The following SEMA3A variants were observed in gnomAD, a reference collection of about 807,000 sequenced individuals.
SEMA3A encodes semaphorin 3A.
Under a neutral mutation model 97.9 loss-of-function variants are expected in SEMA3A, and 29 were observed. The ratio of observed to expected loss-of-function variants is 0.30; its 90% CI spans 0.22 to 0.40. The LOEUF (loss-of-function observed/expected upper bound fraction) is 0.40. Ranked by LOEUF, SEMA3A falls within the 10% of genes least tolerant of loss-of-function variation. The probability of loss-of-function intolerance (pLI) is 1.00; values close to 1 mark genes in which losing one functional copy is unlikely to be tolerated. For synonymous variants in SEMA3A, 321 were observed against 323.7 expected, an observed-to-expected ratio of 0.99 and a Z score of 0.09; for missense variants, 763 against 951.3, an observed-to-expected ratio of 0.80 and a Z score of 2.60.
intron 2 of SEMA3A, among the ~76,000 whole-genome samples, chr7:84,343,803 G>C (rs1802230917): frequency 6.6e-6 from 1 of 152,042 alleles, no homozygotes; most frequent in Admixed American, 6.6e-5. Context: ...ACAAGCCTGA[G>C]GAACATAATA....
rs112063308 is a variant in SEMA3A at position 84,299,964 on chromosome 7, G to A, written c.-83+7243C>T. Among the ~76,000 whole-genome samples the A allele has an allele frequency of 9.5e-5, 14 of 147,988 alleles. 1 individual carries two copies. The highest frequency in any genetic ancestry group is 1.3e-4 in the Non-Finnish European group (9 of 67,010). On this transcript the variant is annotated intron_variant, in intron 3 of 3. Transcript: ENST00000424555. ...GGAGAATTGCTTGAACCAGGGAGGCGGAGGTTGTGGTGAGCCGAGATCATG... is the reference window on the plus strand; with the variant it reads ...GGAGAATTGCTTGAACCAGGGAGGCAGAGGTTGTGGTGAGCCGAGATCATG...
rs564439807 is a variant in SEMA3A at position 84,133,728 on chromosome 7, C to T, written c.270+1066G>A. Among the ~76,000 whole-genome samples the T allele has an allele frequency of 8.6e-5, 13 of 151,890 alleles. No individual in the cohort carries two copies. In the South Asian group the frequency reaches 2.7e-3, roughly 32 times the overall value. On this transcript the variant is annotated intron_variant, in intron 2 of 16. Transcript: ENST00000265362. ...AGTAGCACAATTTTCACTAATTTGT[C>T]AATCTATGTTTATATCTGTTAAACT... is the stretch of plus-strand genomic sequence containing the variant.
At chr7:84,461,935 G>A (rs1257149062) in intron 1 of SEMA3A, among the ~76,000 whole-genome samples, 1 of 152,050 alleles carries the variant, frequency 6.6e-6, no homozygotes, top group African/African-American at 2.4e-5. Flanking sequence ...GGATTTGGAG[G>A]TTTTAGGAAG....
intron 10 of SEMA3A, among the ~76,000 whole-genome samples, chr7:84,006,017 A>T (rs1006922308): frequency 2.6e-5 from 4 of 152,144 alleles, no homozygotes; most frequent in Non-Finnish European, 5.9e-5. Context: ...CTTAATTCTC[A>T]GTGAGATTTA....
chr7:84,442,971 A>G (rs978608498), intron 1 of SEMA3A, among the ~76,000 whole-genome samples: 4 of 152,130 alleles, frequency 2.6e-5, no homozygotes, highest in African/African-American at 9.7e-5. Flanking sequence ...AAATATATGA[A>G]GCAAAAATTG....
At chr7:84,143,415 C>A (rs1228929834) in intron 1 of SEMA3A, among the ~76,000 whole-genome samples, 2 of 152,146 alleles carry the variant, frequency 1.3e-5, no homozygotes, top group African/African-American at 4.8e-5. Context: ...TGAGATCTGG[C>A]ATGTCTCTCC....
chr7:84,452,017 ATTGT>A (rs1048440654), intron 1 of SEMA3A, among the ~76,000 whole-genome samples: 9 of 152,078 alleles, frequency 5.9e-5, no homozygotes, highest in Non-Finnish European at 1.0e-4. Context: ...CAAATATTTA[ATTGT>A]TTGTTTTTCA....
rs1800053817 is a variant in SEMA3A, at chr7:84,268,227, A to T, written c.-83+38980T>A. Among the ~76,000 whole-genome samples, 4 of 149,384 alleles carry T rather than the reference A, an allele frequency of 2.7e-5. No individual in the cohort carries two copies. In the South Asian group the frequency reaches 8.5e-4, roughly 32 times the overall value. On this transcript the variant is annotated intron_variant, in intron 3 of 3. Transcript: ENST00000424555. Reference sequence around the variant, plus strand: ...GGGGCACCAAACTGAGCAAAGAAAGATTTTTCCTGAGAGACATAAGCATGT... The same window carrying T: ...GGGGCACCAAACTGAGCAAAGAAAGTTTTTTCCTGAGAGACATAAGCATGT...
chr7:83,995,034 G>A (rs1403433029), intron 12 of SEMA3A, among the ~76,000 whole-genome samples: 1 of 152,074 alleles, frequency 6.6e-6, no homozygotes. Context: ...CGTTTTTTAA[G>A]CCCGTCGGAA....
chr7:84,168,758 T>C (rs1453803931), intron 1 of SEMA3A, among the ~76,000 whole-genome samples: 3 of 151,902 alleles, frequency 2.0e-5, no homozygotes, highest in African/African-American at 7.2e-5. Flanking sequence ...GAGAACTAAC[T>C]GACACCTCAC....
chr7:84,300,513 A>C (rs539638525), intron 3 of SEMA3A, among the ~76,000 whole-genome samples: 137 of 152,266 alleles, frequency 9.0e-4, no homozygotes, highest in South Asian at 1.7e-3. Context: ...AATATATTAA[A>C]TGTTCAACAG....
intron 3 of SEMA3A, among the ~76,000 whole-genome samples, chr7:84,264,636 A>G (rs1306494830): frequency 6.6e-6 from 1 of 152,246 alleles, no homozygotes; most frequent in Non-Finnish European, 1.5e-5. Context: ...AGCATTATTC[A>G]TCATGAGAAT....
chr7:84,229,191 C>T (rs772912537), intron 3 of SEMA3A, among the ~76,000 whole-genome samples: 3 of 151,606 alleles, frequency 2.0e-5, no homozygotes, highest in Non-Finnish European at 2.9e-5. Flanking sequence ...TTATGTTTTT[C>T]CCAAGTCTCT....
At chr7:84,384,565 T>C (rs1014451344) in intron 1 of SEMA3A, among the ~76,000 whole-genome samples, 16 of 152,098 alleles carry the variant, frequency 1.1e-4, no homozygotes, top group Admixed American at 3.9e-4. Context: ...ACAAGTGCAC[T>C]GTACACTGTG....
intron 2 of SEMA3A, chr7:84,371,786 A>T (rs977369155): frequency 6.6e-6 from 1 of 151,996 alleles, no homozygotes; most frequent in Non-Finnish European, 1.5e-5. Flanking sequence ...GCAAAGAGTC[A>T]TATGCCTTTT....
At chr7:84,062,227 A>C (rs768231033) in intron 4 of SEMA3A, among the ~76,000 whole-genome samples, 16 of 152,364 alleles carry the variant, frequency 1.1e-4, no homozygotes, top group Non-Finnish European at 2.4e-4. Flanking sequence ...ATAGTGTCAA[A>C]GAAATATTAC....
upstream of SEMA3A, among the ~76,000 whole-genome samples, chr7:84,198,507 T>C (rs1349501163): frequency 6.6e-6 from 1 of 152,186 alleles, no homozygotes; most frequent in African/African-American, 2.4e-5. Flanking sequence ...CGGCCTTATA[T>C]TGGCCTTTTA....
At chr7:84,120,446 G>A (rs191096856) in intron 3 of SEMA3A, among the ~76,000 whole-genome samples, 10 of 152,236 alleles carry the variant, frequency 6.6e-5, no homozygotes, top group South Asian at 2.1e-4. Flanking sequence ...TATAAAGCAA[G>A]CTCTCCATAA....
intron 6 of SEMA3A, among the ~76,000 whole-genome samples, chr7:84,025,545 G>A (rs1232057903): frequency 6.6e-6 from 1 of 152,166 alleles, no homozygotes; most frequent in Non-Finnish European, 1.5e-5. Flanking sequence ...TTTGGCTGTG[G>A]AATAGAATAA....
Sources: gnomAD v4.1 joint callset for allele counts (sites outside exome capture counted in the v4.1 genomes callset) on GRCh38, gnomAD v4.1.1 for gene constraint, MANE v1.5 for transcripts, NCBI Gene and HGNC (gene_info 2026-07-23, HGNC 2026-07-21) for gene names.